Variants in PPP2R5C observed in about 807,000 individuals in gnomAD.
The protein encoded by PPP2R5C is serine/threonine-protein phosphatase 2A 56 kDa regulatory subunit gamma isoform.
A neutral mutation model predicts 68.9 loss-of-function variants in PPP2R5C; 7 were observed. That is an observed-to-expected ratio of 0.10 (90% CI 0.06 to 0.19). PPP2R5C has a LOEUF of 0.19. PPP2R5C is among the 10% of genes least tolerant of loss of function. The pLI is 1.00. For missense variants in PPP2R5C, 348 were observed against 641.3 expected (o/e 0.54, Z 4.94); for synonymous variants, 210 against 222.2 (o/e 0.95, Z 0.49).
At chr14:101,886,205 C>T (rs949711701) in intron 5 of PPP2R5C, among the ~76,000 whole-genome samples, 3 of 151,276 alleles carry the variant, frequency 2.0e-5, no homozygotes, top group Non-Finnish European at 2.9e-5. Flanking sequence ...GGCGTGAACC[C>T]GGGAGGCGGA....
At chr14:101,862,769 A>AATATAGTT (rs139832755) in intron 2 of PPP2R5C, among the ~76,000 whole-genome samples, 5,101 of 152,124 alleles carry the variant, frequency 0.034, 131 homozygotes, top group African/African-American at 0.073. Flanking sequence ...TGTTCTGGAA[A>AATATAGTT]ATATAGTTAT....
chr14:101,875,478 G>A (rs1890101326), intron 2 of PPP2R5C, among the ~76,000 whole-genome samples: 1 of 152,158 alleles, frequency 6.6e-6, no homozygotes, highest in African/African-American at 2.4e-5. Flanking sequence ...CAGTTTCCAG[G>A]TAATTAATTG....
chr14:101,912,626 C>A, intron 12 of PPP2R5C, 153 bp downstream of exon 14: 1 of 1,321,396 alleles, frequency 7.6e-7, no homozygotes, highest in South Asian at 2.3e-5. Context: ...AACTTTGTAA[C>A]CCTCCTTTTG....
At chr14:101,878,686 C>T (rs763447953) in intron 2 of PPP2R5C, among the ~76,000 whole-genome samples, 1 of 152,186 alleles carries the variant, frequency 6.6e-6, no homozygotes, top group Admixed American at 6.5e-5. Context: ...CACTGCAGGC[C>T]GCAGGTGGAC....
chr14:101,765,205 A>C (rs2036788772), intron 2 of PPP2R5C: 3 of 702,648 alleles, frequency 4.3e-6, no homozygotes. Flanking sequence ...CACTGAAAAC[A>C]CTGAAATGTT....
Position 101,825,878 on chromosome 14 carries a change from G to C in PPP2R5C, c.94+15842G>C, listed in dbSNP as rs903410503. 6.6e-6 allele frequency among the ~76,000 whole-genome samples: 1 copy of C among 152,092 alleles called. No homozygotes were observed. Among genetic ancestry groups the C allele is most frequent in the Non-Finnish European group, 1.5e-5 (1 of 68,020 alleles). On this transcript the variant is annotated intron_variant, in intron 1 of 13. Coordinates refer to ENST00000334743, the Ensembl canonical transcript of PPP2R5C. The surrounding 1 kb of genome is among the most constrained non-coding windows in gnomAD (Gnocchi z 4.0). ...ACCTCATGGCTTTGGTTTTTCTGGTGGTCCAAGAGAGGAGGCCTCTAGAGA... is the reference window on the plus strand; with the variant it reads ...ACCTCATGGCTTTGGTTTTTCTGGTCGTCCAAGAGAGGAGGCCTCTAGAGA...
intron 3 of PPP2R5C, among the ~76,000 whole-genome samples, chr14:101,796,121 T>G (rs2038595961): frequency 6.6e-6 from 1 of 152,152 alleles, no homozygotes; most frequent in Admixed American, 6.5e-5. Context: ...CACTGCGCCC[T>G]GCCTATTTTC....
chr14:101,773,472 C>G (rs1003218717), intron 2 of PPP2R5C, among the ~76,000 whole-genome samples: 1 of 152,002 alleles, frequency 6.6e-6, no homozygotes, highest in Non-Finnish European at 1.5e-5. Flanking sequence ...AGATCTAGGG[C>G]AAGATATTCA....
At chr14:101,919,216 T>G (rs1327781206) in intron 13 of PPP2R5C, among the ~76,000 whole-genome samples, 1 of 152,258 alleles carries the variant, frequency 6.6e-6, no homozygotes, top group Admixed American at 6.5e-5. Context: ...TCTGCCCCTC[T>G]AATTCCTCAA....
chr14:101,773,839 G>A (rs1246448911), intron 2 of PPP2R5C, among the ~76,000 whole-genome samples: 2 of 152,202 alleles, frequency 1.3e-5, no homozygotes, highest in African/African-American at 2.4e-5. Flanking sequence ...AGATACAGGT[G>A]CACACCACCA....
chr14:101,809,993 C>T, exon 1 of PPP2R5C: 2 of 1,614,032 alleles, frequency 1.2e-6, no homozygotes, highest in Non-Finnish European at 1.7e-6. Context: ...ATGCGGCCAA[C>T]TCCAATGGGC....
At chr14:101,897,084 G>A (rs1013886026) in intron 8 of PPP2R5C, among the ~76,000 whole-genome samples, 1 of 152,068 alleles carries the variant, frequency 6.6e-6, no homozygotes, top group Non-Finnish European at 1.5e-5. Flanking sequence ...CCGGGCCCTC[G>A]TGGAAGGACG....
chr14:101,786,350 T>TA (rs2038088781), intron 3 of PPP2R5C, among the ~76,000 whole-genome samples, 167 bp downstream of exon 3: 1 of 152,016 alleles, frequency 6.6e-6, no homozygotes, highest in Non-Finnish European at 1.5e-5. Context: ...TTAACTTACT[T>TA]ACTCAATTAA....
intron 1 of PPP2R5C, among the ~76,000 whole-genome samples, chr14:101,838,665 G>A (rs957778570): frequency 2.6e-5 from 4 of 152,242 alleles, no homozygotes; most frequent in African/African-American, 7.2e-5. Flanking sequence ...CAGAAAGGAG[G>A]AGCCCCAGGG....
rs555777600 is a variant in PPP2R5C at position 101,797,948 on chromosome 14, C to T, written c.259+11765C>T. Among the ~76,000 whole-genome samples the T allele has an allele frequency of 7.2e-5, 11 of 152,232 alleles. No individual in the cohort carries two copies. In the South Asian group the frequency reaches 2.1e-3, roughly 29 times the overall value. On this transcript the variant is annotated intron_variant, in intron 3 of 14. Coordinates refer to the PPP2R5C transcript ENST00000328724. This position sits in a 1 kb window ranked among gnomAD's most constrained non-coding sequence, Gnocchi z 4.2. ...TCTTTAATCACTCCCAGGCCTCGCT[C>T]ACACAGCAACAAGTGCCTGTCCCTG...
intron 7 of PPP2R5C, 56 bp downstream of exon 9, chr14:101,893,164 C>A: frequency 2.4e-6 from 3 of 1,239,590 alleles, no homozygotes; most frequent in Non-Finnish European, 3.5e-6. Flanking sequence ...CAGGATTGAA[C>A]ACGAGATAGT....
rs1239734393 is a variant in PPP2R5C at position 101,781,009 on chromosome 14, C to G, written c.94-5009C>G. ...TTCCTCTCTGTAAGCTAAGGATGCG[C>G]CAGCTCGGCCTGAACCATGGAATGC... On this transcript the variant is annotated intron_variant, in intron 2 of 14. Coordinates refer to the PPP2R5C transcript ENST00000328724. This position sits in a 1 kb window ranked among gnomAD's most constrained non-coding sequence, Gnocchi z 6.4. Among the ~76,000 whole-genome samples, 1 of 152,194 alleles carries G rather than the reference C, an allele frequency of 6.6e-6. No homozygotes were observed.
In PPP2R5C at chr14:101,797,159, A is replaced by G. The variant is rs962479267; in HGVS notation, c.259+10976A>G. 6 of 455,900 alleles carry G rather than the reference A, an allele frequency of 1.3e-5. No homozygotes were observed. Among genetic ancestry groups the G allele is most frequent in the African/African-American group, 1.0e-4 (5 of 50,046 alleles). 28.2% of individuals were successfully genotyped at this position (455,900 alleles called of 1,614,324 possible). A position where few individuals can be genotyped will look rare whatever the true frequency, so the allele number is the denominator to read the frequency against. ...GAGCCTCTTAGAAGCGGAATCGTACAGTATCTGTCTTTCTGTGCCTGGCTT... is the reference window on the plus strand; with the variant it reads ...GAGCCTCTTAGAAGCGGAATCGTACGGTATCTGTCTTTCTGTGCCTGGCTT... On this transcript the variant is annotated intron_variant, in intron 3 of 14. Coordinates refer to the PPP2R5C transcript ENST00000328724. This position sits in a 1 kb window ranked among gnomAD's most constrained non-coding sequence, Gnocchi z 4.2.
chr14:101,775,163 C>G (rs560098085), intron 2 of PPP2R5C, among the ~76,000 whole-genome samples: 2 of 152,284 alleles, frequency 1.3e-5, no homozygotes, highest in African/African-American at 2.4e-5. Context: ...TTGTTTGACT[C>G]TATTCACCAT....
Sources: gnomAD v4.1 joint callset for allele counts (sites outside exome capture counted in the v4.1 genomes callset) on GRCh38, gnomAD v4.1.1 for gene constraint, Gnocchi (gnomAD v3.1) non-coding constraint, MANE v1.5 for transcripts, NCBI Gene and HGNC (gene_info 2026-07-23, HGNC 2026-07-21) for gene names.